CBLB: variants seen among roughly 807,000 people sequenced by gnomAD.
CBLB encodes the protein E3 ubiquitin-protein ligase CBL-B.
A neutral mutation model predicts 104.9 loss-of-function variants in CBLB; 31 were observed. The ratio of observed to expected loss-of-function variants is 0.30; its 90% confidence interval spans 0.22 to 0.40. The LOEUF (loss-of-function observed/expected upper bound fraction) is 0.40, where lower values mean the gene tolerates loss of function less well. CBLB is among the 10% of genes least tolerant of loss of function. The pLI is 1.00. For missense variants in CBLB, 1,062 were observed against 1,214.6 expected (o/e 0.87, Z 1.87); for synonymous variants, 440 against 422.6 (o/e 1.04, Z -0.51).
At chr3:105,676,025 T>C (rs2065604573) in intron 17 of CBLB, among the ~76,000 whole-genome samples, 1 of 150,546 alleles carries the variant, frequency 6.6e-6, no homozygotes, top group Non-Finnish European at 1.5e-5. Context: ...ATAAGGGATG[T>C]TGATATTATT....
intron 3 of CBLB, among the ~76,000 whole-genome samples, chr3:105,832,531 T>TC (rs1359647946): frequency 6.6e-6 from 1 of 152,120 alleles, no homozygotes; most frequent in South Asian, 2.1e-4. Context: ...GAAAATACAA[T>TC]CCACAGCTGA....
At chr3:105,660,801 A>T (rs889462977) in intron 18 of CBLB, among the ~76,000 whole-genome samples, 3 of 152,072 alleles carry the variant, frequency 2.0e-5, no homozygotes, top group African/African-American at 7.2e-5. Flanking sequence ...GTATTATTCA[A>T]TATTTTTCCT....
Position 105,678,519 on chromosome 3 carries a change from AGGAGGTGGG to A in CBLB, c.2472_2480del (p.Pro825_Pro827del). 6.2e-7 allele frequency: 1 copy of A among 1,613,912 alleles called. No individual in the cohort carries two copies. Among genetic ancestry groups the A allele is most frequent in the Non-Finnish European group, 8.5e-7 (1 of 1,179,808 alleles). On this transcript the variant is annotated inframe_deletion, in exon 17 of 19. Transcript: ENST00000394030. The stretch of plus-strand genomic sequence containing the variant: ...AATGTTCAATGAGACTATGCCTTGC[AGGAGGTGGG>A]GGAGGTGGGAGAGATGGAGGGAGGG...
rs748996723 is a variant in CBLB at position 105,751,597 on chromosome 3, T to A, written c.588A>T (p.Val196=). 6.3e-5 allele frequency: 102 copies of A among 1,613,506 alleles called. 1 individual carries two copies. Among genetic ancestry groups the A allele is most frequent in the Non-Finnish European group, 8.4e-5 (99 of 1,179,580 alleles). ...FGDKTIVPWK[V]FRQCLHEVHQ... ...GGACCTCATGAAGGCACTGTCTGAA[T>A]ACTTTCCATGGTACGATAGTTCTGT... Residue 196 remains valine (V), a synonymous_variant, in exon 5 of 19, where the codon GTA becomes GTT. Transcript: ENST00000394030.
chr3:105,771,705 T>C (rs565069254), intron 4 of CBLB, among the ~76,000 whole-genome samples: 1 of 152,170 alleles, frequency 6.6e-6, no homozygotes, highest in African/African-American at 2.4e-5. Flanking sequence ...ACAAAATCAA[T>C]GTACACAAAT....
chr3:105,813,055 T>G (rs1427372262), intron 3 of CBLB, among the ~76,000 whole-genome samples: 1 of 152,102 alleles, frequency 6.6e-6, no homozygotes, highest in Non-Finnish European at 1.5e-5. Context: ...AAAGCAGTAT[T>G]TCAAATACTA....
In CBLB at chr3:105,734,276, A is replaced by G. The variant is rs1408297302; in HGVS notation, c.1072-136T>C. ...CTTGTCAGAATTTTGTTACCATTTG[A>G]GACATGTTTTGAATTGATAATCACA... On this transcript the variant is annotated intron_variant, in intron 8 of 18. Transcript: ENST00000394030. 5 of 878,006 alleles carry G rather than the reference A, an allele frequency of 5.7e-6. No individual in the cohort carries two copies. The African/African-American group carries it at 8.3e-5, about 15-fold the overall frequency. The allele number at this position is 878,006 out of a possible 1,614,324, so 54.4% of individuals were successfully genotyped here.
chr3:105,839,734 G>C (rs1342435203), intron 3 of CBLB, among the ~76,000 whole-genome samples: 1 of 152,250 alleles, frequency 6.6e-6, no homozygotes, highest in Non-Finnish European at 1.5e-5. Context: ...CTCACAGAAG[G>C]AAATACAACC....
Position 105,735,358 on chromosome 3 carries a change from A to G in CBLB, c.1072-1218T>C, listed in dbSNP as rs1329331183. Among the ~76,000 whole-genome samples, 10 of 152,298 alleles carry G rather than the reference A, an allele frequency of 6.6e-5. No individual in the cohort carries two copies. The East Asian group carries it at 1.9e-3, about 29-fold the overall frequency. On this transcript the variant is annotated intron_variant, in intron 8 of 18. Coordinates refer to ENST00000394030, the MANE Select transcript of CBLB (RefSeq NM_170662.5). ...CTAAAGTAATTCAAAGTAAGTTATA[A>G]ATTGCTGATGTCCCTGAAATAATAG...
intron 9 of CBLB, among the ~76,000 whole-genome samples, chr3:105,721,698 T>G (rs1364119316): frequency 6.6e-6 from 1 of 152,174 alleles, no homozygotes; most frequent in Non-Finnish European, 1.5e-5. Context: ...ACATTAAATA[T>G]TATTTGCTCC....
At chr3:105,670,854 T>C (rs1425207371) in intron 17 of CBLB, 1 of 160,614 alleles carries the variant, frequency 6.2e-6, no homozygotes, top group Admixed American at 6.3e-5. Flanking sequence ...TTAAATGAAT[T>C]TGTGCATGTA....
intron 3 of CBLB, among the ~76,000 whole-genome samples, chr3:105,828,694 C>A (rs1364963902): frequency 6.6e-6 from 1 of 152,144 alleles, no homozygotes; most frequent in Non-Finnish European, 1.5e-5. Flanking sequence ...AAAATACTAT[C>A]TTTCCTTGAG....
At chr3:105,754,397 A>G (rs2076854821) in intron 4 of CBLB, among the ~76,000 whole-genome samples, 1 of 152,036 alleles carries the variant, frequency 6.6e-6, no homozygotes, top group Non-Finnish European at 1.5e-5. Flanking sequence ...CTCTTCCTTT[A>G]GAGATGAAGC....
intron 4 of CBLB, among the ~76,000 whole-genome samples, chr3:105,759,721 G>A (rs1425916208): frequency 6.6e-6 from 1 of 152,202 alleles, no homozygotes; most frequent in Non-Finnish European, 1.5e-5. Flanking sequence ...CAGACAGCAG[G>A]AGCAGGCACT....
intron 5 of CBLB, among the ~76,000 whole-genome samples, chr3:105,750,378 T>C (rs900145267): frequency 2.0e-5 from 3 of 152,194 alleles, no homozygotes; most frequent in Non-Finnish European, 2.9e-5. Flanking sequence ...GAGAAGTTCA[T>C]GTAACATGAA....
rs909100266 is a variant in CBLB, at chr3:105,736,117, T to A, written c.1071+1054A>T. 2.0e-5 allele frequency among the ~76,000 whole-genome samples: 3 copies of A among 152,192 alleles called. No homozygotes were observed. The East Asian group carries it at 5.8e-4, about 29-fold the overall frequency. On this transcript the variant is annotated intron_variant, in intron 8 of 18. Transcript: ENST00000394030. ...TTAAAAAAAGCTGTAATTCTTCTCT[T>A]GTTTTTTCCCTTAGATTTTTATTAC...
chr3:105,821,994 C>T (rs979748568), intron 3 of CBLB, among the ~76,000 whole-genome samples: 7 of 151,964 alleles, frequency 4.6e-5, no homozygotes, highest in African/African-American at 7.3e-5. Context: ...TTGTTCCATA[C>T]CAGCACATAT....
Position 105,657,282 on chromosome 3 carries a change from C to T in CBLB, c.*1688G>A, listed in dbSNP as rs1165808784. 3 of 220,402 alleles carry T rather than the reference C, an allele frequency of 1.4e-5. No homozygotes were observed. Among genetic ancestry groups the T allele is most frequent in the African/African-American group, 4.5e-5 (2 of 44,752 alleles). 13.7% of individuals were successfully genotyped at this position (220,402 alleles called of 1,614,324 possible). ...GTCATGTCCTTTCAGGTCCTGAAGG[C>T]AGGCTCACTCTCTGATGCATCTTTT... On this transcript the variant is annotated 3_prime_UTR_variant, in exon 19 of 19. Coordinates refer to ENST00000394030, the MANE Select transcript of CBLB (RefSeq NM_170662.5).
chr3:105,853,542 T>A lies in CBLB; in HGVS notation c.291A>T (p.Lys97Asn). 6.2e-7 allele frequency: 1 copy of A among 1,613,698 alleles called. No homozygotes were observed. Among genetic ancestry groups the A allele is most frequent in the African/African-American group, 1.3e-5 (1 of 75,008 alleles). The part of the protein sequence containing the change: ...LILSKYDDNQ[K>N]LAQLSENEYF... ...ACTCATTCTCACTGAGTTGGGCAAG[T>A]TTCTGGTTGTCATCATATTTACTCA... Residue 97 changes from lysine to asparagine, a missense_variant, in exon 3 of 19, where the codon AAA (lysine) becomes AAT (asparagine). This residue lies in a region of CBLB where 457 missense variants were observed against 632.0 expected (regional missense o/e 0.72). Coordinates refer to ENST00000394030, the MANE Select transcript of CBLB (RefSeq NM_170662.5).
Sources: allele counts gnomAD v4.1 joint callset (sites outside exome capture counted in the v4.1 genomes callset), GRCh38; gene constraint gnomAD v4.1.1; regional missense constraint gnomAD v4.1.1; transcripts MANE v1.5; gene names NCBI Gene and HGNC (gene_info 2026-07-23, HGNC 2026-07-21).